Variants in LRP1B observed in about 807,000 individuals in gnomAD.
LRP1B encodes LDL receptor related protein 1B, also known as low-density lipoprotein receptor-related protein 1B.
A neutral mutation model predicts 556.6 loss-of-function variants in LRP1B; 217 were observed. The ratio of observed to expected loss-of-function variants is 0.39; its 90% CI spans 0.35 to 0.44. LRP1B has a LOEUF of 0.44. LRP1B is among the 20% of genes least tolerant of loss of function. LRP1B has a pLI of 1.00. For synonymous variants in LRP1B, 2,047 were observed against 1,865.8 expected (o/e 1.10, Z -2.50); for missense variants, 5,053 against 5,620.8 (o/e 0.90, Z 3.23).
At chr2:141,260,873 T>C (rs1044466161) in intron 3 of LRP1B, among the ~76,000 whole-genome samples, 1 of 152,204 alleles carries the variant, frequency 6.6e-6, no homozygotes, top group Non-Finnish European at 1.5e-5. Context: ...TGGGATGATA[T>C]TTCATTCTCA....
At chr2:141,996,106 G>T (rs1702481708) in intron 1 of LRP1B, among the ~76,000 whole-genome samples, 1 of 151,750 alleles carries the variant, frequency 6.6e-6, no homozygotes. Flanking sequence ...ACAAAAATTA[G>T]CTTGGCATGG....
intron 27 of LRP1B, among the ~76,000 whole-genome samples, chr2:140,852,840 T>C (rs1409261251): frequency 1.3e-5 from 2 of 152,100 alleles, no homozygotes; most frequent in Non-Finnish European, 2.9e-5. Context: ...TCTGTCATCA[T>C]GTCTTTTGGA....
intron 54 of LRP1B, among the ~76,000 whole-genome samples, chr2:140,502,549 T>C (rs532434164): frequency 1.9e-4 from 29 of 152,192 alleles, no homozygotes; most frequent in African/African-American, 6.3e-4. Context: ...TTTTAATATA[T>C]GTATATTCAA....
At chr2:141,425,878 C>T (rs1207920127) in intron 3 of LRP1B, among the ~76,000 whole-genome samples, 1 of 150,922 alleles carries the variant, frequency 6.6e-6, no homozygotes, top group Non-Finnish European at 1.5e-5. Flanking sequence ...GTTGCCTGTT[C>T]ACTCTGATGG....
At chr2:140,920,094 C>G in intron 21 of LRP1B, among the ~76,000 whole-genome samples, 1 of 152,078 alleles carries the variant, frequency 6.6e-6, no homozygotes, top group Non-Finnish European at 1.5e-5. Flanking sequence ...CGGTACCTTG[C>G]GATCACTATG....
At chr2:141,625,424 A>C (rs1029995263) in intron 2 of LRP1B, among the ~76,000 whole-genome samples, 6 of 152,210 alleles carry the variant, frequency 3.9e-5, no homozygotes, top group Admixed American at 2.6e-4. Context: ...GATGAAAAAC[A>C]TACTAAGGAT....
In LRP1B at chr2:140,673,937, CT is replaced by C. The variant is rs201724050; in HGVS notation, c.6799+26312del. On this transcript the variant is annotated intron_variant, in intron 41 of 90. Coordinates refer to ENST00000389484, the MANE Select transcript of LRP1B (RefSeq NM_018557.3). ...TTTTACCCCGAAATATATCTCTTTT[CT>C]TTTTTCTTTTTTTTTTTTTTCTTTT... 6.1e-5 allele frequency among the ~76,000 whole-genome samples: 9 copies of C among 147,024 alleles called. No individual in the cohort carries two copies. The East Asian group carries it at 1.8e-3, about 30-fold the overall frequency.
intron 7 of LRP1B, among the ~76,000 whole-genome samples, chr2:141,128,503 C>T (rs1212311212): frequency 6.6e-6 from 1 of 152,194 alleles, no homozygotes; most frequent in East Asian, 1.9e-4. Context: ...TCTAGTCATG[C>T]TGTTCTCCCT....
chr2:141,311,747 G>A (rs1248666513), intron 3 of LRP1B, among the ~76,000 whole-genome samples: 1 of 152,132 alleles, frequency 6.6e-6, no homozygotes, highest in Admixed American at 6.5e-5. Flanking sequence ...CCAGATGTCA[G>A]TGCTATGCTC....
chr2:141,987,028 T>C (rs1702211181), intron 1 of LRP1B, among the ~76,000 whole-genome samples: 1 of 152,048 alleles, frequency 6.6e-6, no homozygotes, highest in South Asian at 2.1e-4. Flanking sequence ...CAGTATTAAT[T>C]ACTTCATGAG....
Position 141,188,521 on chromosome 2 carries a change from C to A in LRP1B, c.913G>T (p.Asp305Tyr). The change falls in exon 7 of 91, where the codon GAC becomes TAC. Residue 305 changes from aspartate to tyrosine, a missense_variant. Physicochemically the swap from Asp to Tyr is radical, Grantham distance 160. Transcript: ENST00000389484. ...RNLYFVDHVG[D>Y]RIFVCNSNGS... is the part of the protein sequence containing the mutation. ...TTGGAATTACAAACAAAGATCCGGT[C>A]ACCGACATGGTCCACAAAATAGAGA... 2 of 1,612,756 alleles carry A rather than the reference C, an allele frequency of 1.2e-6. No individual in the cohort carries two copies. Among genetic ancestry groups the A allele is most frequent in the Non-Finnish European group, 1.7e-6 (2 of 1,179,240 alleles).
intron 3 of LRP1B, among the ~76,000 whole-genome samples, chr2:141,291,854 T>TAAA: frequency 7.6e-5 from 1 of 13,074 alleles, no homozygotes; most frequent in Non-Finnish European, 1.5e-4. Flanking sequence ...AGACTCTGTC[T>TAAA]CAAAAAAAAA....
intron 41 of LRP1B, among the ~76,000 whole-genome samples, chr2:140,672,482 TAAAA>T (rs55884730): frequency 1.7e-4 from 14 of 81,580 alleles, no homozygotes; most frequent in Admixed American, 1.3e-3. Context: ...AGACTCCATC[TAAAA>T]AAAAAAAAAA....
chr2:140,701,367 T>C (rs1469709970), intron 40 of LRP1B, among the ~76,000 whole-genome samples: 3 of 152,106 alleles, frequency 2.0e-5, no homozygotes, highest in Non-Finnish European at 4.4e-5. Flanking sequence ...TCATATTATG[T>C]ATAAAAATTT....
chr2:141,141,450 ACTT>A (rs1701650423), intron 7 of LRP1B, among the ~76,000 whole-genome samples: 1 of 152,176 alleles, frequency 6.6e-6, no homozygotes, highest in Non-Finnish European at 1.5e-5. Flanking sequence ...ATGATAACTT[ACTT>A]CTTTTTAAAG....
At chr2:141,598,027 C>T (rs1282381512) in intron 2 of LRP1B, among the ~76,000 whole-genome samples, 1 of 152,004 alleles carries the variant, frequency 6.6e-6, no homozygotes, top group East Asian at 1.9e-4. Context: ...GTAACACACA[C>T]AGAGCCGTGT....
At chr2:141,335,673 T>C (rs959341672) in intron 3 of LRP1B, among the ~76,000 whole-genome samples, 9 of 152,118 alleles carry the variant, frequency 5.9e-5, no homozygotes, top group African/African-American at 2.2e-4. Context: ...AGATTACAAA[T>C]ACTTTCAGAC....
At chr2:140,644,014 C>A (rs1684392068) in intron 41 of LRP1B, among the ~76,000 whole-genome samples, 1 of 152,210 alleles carries the variant, frequency 6.6e-6, no homozygotes, top group African/African-American at 2.4e-5. Context: ...TCTTGAACAT[C>A]TCAGCAACTT....
intron 2 of LRP1B, among the ~76,000 whole-genome samples, chr2:141,488,839 C>T (rs533706198): frequency 2.6e-5 from 4 of 152,058 alleles, no homozygotes; most frequent in South Asian, 4.2e-4. Context: ...GTAACAAGTG[C>T]CTTAAAAATT....
Sources: gnomAD v4.1 joint callset for allele counts (sites outside exome capture counted in the v4.1 genomes callset) on GRCh38, gnomAD v4.1.1 for gene constraint, MANE v1.5 for transcripts, NCBI Gene and HGNC (gene_info 2026-07-23, HGNC 2026-07-21) for gene names.